The following SHTN1 variants were observed in gnomAD, a reference collection of about 807,000 sequenced individuals.
The protein encoded by SHTN1 is shootin-1.
Under a neutral mutation model 83.1 loss-of-function variants are expected in SHTN1, and 42 were observed. The ratio of observed to expected loss-of-function variants is 0.51; its 90% confidence interval spans 0.39 to 0.65. The LOEUF is 0.65. Among genes scored for constraint, SHTN1 ranks in the 30% least tolerant of loss-of-function variants. SHTN1 has a pLI of 0.00. For synonymous variants in SHTN1, 224 were observed against 247.7 expected, an observed-to-expected ratio of 0.90 and a Z score of 0.90; for missense variants, 622 against 737.8, an observed-to-expected ratio of 0.84 and a Z score of 1.82.
intron 1 of SHTN1, among the ~76,000 whole-genome samples, chr10:117,064,296 A>G (rs1363098300): frequency 6.6e-6 from 1 of 152,210 alleles, no homozygotes; most frequent in Non-Finnish European, 1.5e-5. Context: ...GAACCAAGAA[A>G]GGGAGTTTAA....
chr10:117,110,422 G>A (rs974457169), intron 1 of SHTN1, among the ~76,000 whole-genome samples: 1 of 152,132 alleles, frequency 6.6e-6, no homozygotes, highest in Admixed American at 6.5e-5. Context: ...CACCATCTCG[G>A]CTCACTACAA....
At chr10:117,097,481 G>C (rs192771647) in intron 1 of SHTN1, among the ~76,000 whole-genome samples, 2 of 152,338 alleles carry the variant, frequency 1.3e-5, no homozygotes, top group East Asian at 3.9e-4. Context: ...TGCCAATTTA[G>C]AGAATATACA....
intron 16 of SHTN1, among the ~76,000 whole-genome samples, chr10:116,900,136 T>C (rs546978126): frequency 6.6e-6 from 1 of 152,358 alleles, no homozygotes; most frequent in Admixed American, 6.5e-5. Context: ...GGTAAATTAC[T>C]GTCAATATGA....
intron 1 of SHTN1, among the ~76,000 whole-genome samples, chr10:116,985,950 GA>G (rs1851203627): frequency 1.3e-5 from 2 of 152,154 alleles, no homozygotes; most frequent in African/African-American, 2.4e-5. Flanking sequence ...AACACTGATA[GA>G]AAATCTGATC....
chr10:117,117,834 A>T (rs916646192), intron 1 of SHTN1, among the ~76,000 whole-genome samples: 4 of 152,160 alleles, frequency 2.6e-5, no homozygotes, highest in African/African-American at 9.7e-5. Flanking sequence ...AAATTGAGTA[A>T]CCATATGCGG....
intron 2 of SHTN1, among the ~76,000 whole-genome samples, chr10:117,033,011 T>C (rs1564936540): frequency 1.3e-5 from 2 of 151,876 alleles, no homozygotes; most frequent in South Asian, 2.1e-4. Context: ...AAACAGAACA[T>C]ACAAAAACCT....
chr10:117,087,192 C>CAG (rs10700443), intron 1 of SHTN1, among the ~76,000 whole-genome samples: 138,564 of 152,162 alleles, frequency 0.91, 64,446 homozygotes, highest in Non-Finnish European at 1. Context: ...TTTCTGTAAA[C>CAG]ATAATGGTGA....
At chr10:117,068,476 G>A (rs1374396480) in intron 1 of SHTN1, among the ~76,000 whole-genome samples, 1 of 152,058 alleles carries the variant, frequency 6.6e-6, no homozygotes, top group Non-Finnish European at 1.5e-5. Context: ...GGGAAGTGAG[G>A]AAGAGGTGAA....
chr10:117,075,947 C>T (rs1282482156), intron 1 of SHTN1, among the ~76,000 whole-genome samples: 2 of 152,014 alleles, frequency 1.3e-5, no homozygotes, highest in African/African-American at 4.8e-5. Context: ...CTTTGGGAGG[C>T]CAAGGTGAGC....
At chr10:117,098,095 A>G (rs1201419268) in intron 1 of SHTN1, among the ~76,000 whole-genome samples, 2 of 152,026 alleles carry the variant, frequency 1.3e-5, no homozygotes, top group Admixed American at 6.5e-5. Context: ...TGTGCTTTTA[A>G]AAGATGCCTG....
chr10:117,050,888 A>T (rs1852730091), intron 1 of SHTN1, among the ~76,000 whole-genome samples: 1 of 152,068 alleles, frequency 6.6e-6, no homozygotes, highest in Non-Finnish European at 1.5e-5. Flanking sequence ...CTTCGTCTCT[A>T]CAAAAAAATA....
rs140395315 is a variant in SHTN1 at position 116,925,448 on chromosome 10, C to G, written c.1112+2344G>C. 2.0e-5 allele frequency among the ~76,000 whole-genome samples: 3 copies of G among 152,304 alleles called. No individual in the cohort carries two copies. The East Asian group carries it at 5.8e-4, about 29-fold the overall frequency. ...TTGGAATAAAACTACACCATAGGTT[C>G]TCCCAGTTCTCAGGCCCTTAGACTC... On this transcript the variant is annotated intron_variant, in intron 11 of 16. Transcript: ENST00000355371.
At chr10:116,983,680 AT>A (rs1311428932) in intron 1 of SHTN1, among the ~76,000 whole-genome samples, 3 of 50,738 alleles carry the variant, frequency 5.9e-5, no homozygotes, top group Non-Finnish European at 1.4e-4. Context: ...AGATAGATAG[AT>A]AGATAAATAC....
intron 1 of SHTN1, among the ~76,000 whole-genome samples, chr10:117,125,312 C>T (rs1407244975): frequency 6.6e-6 from 1 of 152,086 alleles, no homozygotes; most frequent in African/African-American, 2.4e-5. Context: ...GATCTTAAAA[C>T]GAAAATAATG....
intron 9 of SHTN1, among the ~76,000 whole-genome samples, chr10:116,934,226 G>A (rs1379340502): frequency 1.3e-5 from 2 of 152,120 alleles, no homozygotes; most frequent in Non-Finnish European, 2.9e-5. Context: ...TTTTAGTCAT[G>A]AAGTCTTTGC....
chr10:116,890,973 T>G (rs1847326343), intron 16 of SHTN1, among the ~76,000 whole-genome samples: 1 of 152,330 alleles, frequency 6.6e-6, no homozygotes, highest in Non-Finnish European at 1.5e-5. Context: ...CCAACTATAT[T>G]CAACAACATT....
At chr10:117,100,588 G>A (rs1853575776) in intron 1 of SHTN1, among the ~76,000 whole-genome samples, 1 of 152,146 alleles carries the variant, frequency 6.6e-6, no homozygotes, top group Non-Finnish European at 1.5e-5. Flanking sequence ...CAGCCTGCAT[G>A]TAATAATACA....
intron 5 of SHTN1, 51 bp downstream of exon 5, chr10:116,953,991 C>T: frequency 6.9e-7 from 1 of 1,457,332 alleles, no homozygotes; most frequent in South Asian, 1.3e-5. Flanking sequence ...TTCAGAAGCA[C>T]TATCATAACG....
intron 6 of SHTN1, among the ~76,000 whole-genome samples, chr10:116,950,669 T>C (rs1296541671): frequency 3.9e-5 from 6 of 152,118 alleles, no homozygotes; most frequent in Non-Finnish European, 7.4e-5. Flanking sequence ...CTCCAGATAA[T>C]CTATTAACTG....
Sources: gnomAD v4.1 joint callset for allele counts (sites outside exome capture counted in the v4.1 genomes callset) on GRCh38, gnomAD v4.1.1 for gene constraint, MANE v1.5 for transcripts, NCBI Gene and HGNC (gene_info 2026-07-23, HGNC 2026-07-21) for gene names.